ERBB4: variants seen among roughly 807,000 people sequenced by gnomAD.
ERBB4 encodes erb-b2 receptor tyrosine kinase 4, also known as receptor tyrosine-protein kinase erbB-4.
ERBB4 carries 42 observed loss-of-function variants against 158.0 expected under a neutral mutation model. The ratio of observed to expected loss-of-function variants is 0.27; its 90% CI spans 0.21 to 0.34. The LOEUF is 0.34. ERBB4 is among the 10% of genes least tolerant of loss of function. ERBB4 has a pLI of 1.00. For synonymous variants in ERBB4, 583 were observed against 558.7 expected (o/e 1.04, Z -0.61); for missense variants, 1,333 against 1,624.1 (o/e 0.82, Z 3.08).
intron 7 of ERBB4, among the ~76,000 whole-genome samples, chr2:211,715,430 A>G (rs1575037010): frequency 6.6e-6 from 1 of 152,206 alleles, no homozygotes; most frequent in Admixed American, 6.5e-5. Context: ...GGGGAACCCA[A>G]CCTGCAACAG....
At chr2:212,523,579 A>T (rs1248082238) in intron 1 of ERBB4, among the ~76,000 whole-genome samples, 2 of 151,822 alleles carry the variant, frequency 1.3e-5, no homozygotes, top group East Asian at 3.9e-4. Context: ...AATTAAAAAA[A>T]ATCCTTCACA....
intron 2 of ERBB4, among the ~76,000 whole-genome samples, chr2:212,115,065 A>C (rs1237103136): frequency 1.3e-5 from 2 of 152,176 alleles, no homozygotes; most frequent in Non-Finnish European, 2.9e-5. Context: ...TTTCAGGTAG[A>C]AATTTAATGA....
At chr2:212,456,495 T>C (rs1413857107) in intron 1 of ERBB4, among the ~76,000 whole-genome samples, 1 of 151,858 alleles carries the variant, frequency 6.6e-6, no homozygotes, top group Non-Finnish European at 1.5e-5. Flanking sequence ...TGATTGTTCT[T>C]AAGTATAAAA....
At chr2:212,460,800 G>T (rs1329651234) in intron 1 of ERBB4, among the ~76,000 whole-genome samples, 1 of 152,198 alleles carries the variant, frequency 6.6e-6, no homozygotes, top group East Asian at 1.9e-4. Context: ...ATTTCCATAA[G>T]TAATGAGGAG....
At chr2:211,794,717 CG>C (rs943962399) in intron 3 of ERBB4, among the ~76,000 whole-genome samples, 3 of 151,814 alleles carry the variant, frequency 2.0e-5, no homozygotes, top group African/African-American at 7.2e-5. Context: ...TGATATTCCC[CG>C]GAAAAAATTA....
At chr2:211,476,225 T>C (rs566156705) in intron 20 of ERBB4, among the ~76,000 whole-genome samples, 1 of 152,092 alleles carries the variant, frequency 6.6e-6, no homozygotes, top group Non-Finnish European at 1.5e-5. Context: ...GAGACCTATT[T>C]AGGAGAGCAG....
chr2:211,957,189 T>C lies in ERBB4; in HGVS notation c.235-9573A>G, dbSNP rs376385357. Among the ~76,000 whole-genome samples, 131 of 152,182 alleles carry C rather than the reference T, an allele frequency of 8.6e-4. 3 individuals are homozygous for C. The South Asian group carries it at 0.024, about 28-fold the overall frequency. ...CATACTACCTCAGAATGGGACTGTA[T>C]TTGGAGATAGGGTTTTTAAAGAGGT... On this transcript the variant is annotated intron_variant, in intron 2 of 27. Transcript: ENST00000342788.
intron 3 of ERBB4, among the ~76,000 whole-genome samples, chr2:211,841,692 G>A (rs529542296): frequency 6.6e-6 from 1 of 151,662 alleles, no homozygotes; most frequent in South Asian, 2.1e-4. Context: ...TATTTAATAT[G>A]AGGCCTTCAA....
At chr2:212,420,380 G>T (rs1024664903) in intron 1 of ERBB4, among the ~76,000 whole-genome samples, 11 of 152,122 alleles carry the variant, frequency 7.2e-5, no homozygotes, top group Non-Finnish European at 1.5e-4. Flanking sequence ...GAAATCTTAG[G>T]TCACATACAT....
chr2:211,574,934 T>A (rs1013691191), intron 19 of ERBB4, among the ~76,000 whole-genome samples: 1 of 152,230 alleles, frequency 6.6e-6, no homozygotes, highest in African/African-American at 2.4e-5. Flanking sequence ...TGTTGAATTA[T>A]GTCAGCACAA....
At chr2:211,572,426 C>A (rs1354757850) in intron 19 of ERBB4, among the ~76,000 whole-genome samples, 1 of 152,138 alleles carries the variant, frequency 6.6e-6, no homozygotes, top group Non-Finnish European at 1.5e-5. Context: ...TACCAATACT[C>A]ACCCTGCCAC....
At chr2:211,717,557 C>T (rs941163576) in intron 7 of ERBB4, among the ~76,000 whole-genome samples, 15 of 152,152 alleles carry the variant, frequency 9.9e-5, no homozygotes, top group Admixed American at 9.2e-4. Flanking sequence ...CGGCCTGGTG[C>T]GGTGGCTCAC....
intron 2 of ERBB4, among the ~76,000 whole-genome samples, chr2:211,976,137 C>T (rs1235376586): frequency 6.6e-6 from 1 of 151,772 alleles, no homozygotes; most frequent in East Asian, 1.9e-4. Flanking sequence ...TACACATTTA[C>T]ATAATATGTT....
At chr2:212,477,401 G>C (rs1689457840) in intron 1 of ERBB4, among the ~76,000 whole-genome samples, 1 of 152,068 alleles carries the variant, frequency 6.6e-6, no homozygotes, top group African/African-American at 2.4e-5. Context: ...TAATCTGACT[G>C]AAAAGTAGAC....
chr2:211,691,417 A>G (rs989827617), intron 12 of ERBB4, among the ~76,000 whole-genome samples: 1 of 152,176 alleles, frequency 6.6e-6, no homozygotes, highest in Non-Finnish European at 1.5e-5. Flanking sequence ...ATTTTGAAAA[A>G]TATTTATTGA....
chr2:212,349,022 C>T (rs2089137164), intron 1 of ERBB4, among the ~76,000 whole-genome samples: 2 of 152,090 alleles, frequency 1.3e-5, no homozygotes, highest in South Asian at 4.1e-4. Flanking sequence ...CTTTCACAAA[C>T]ATGATATGAT....
intron 1 of ERBB4, among the ~76,000 whole-genome samples, chr2:212,375,102 C>T (rs1488397080): frequency 6.6e-6 from 1 of 151,942 alleles, no homozygotes; most frequent in African/African-American, 2.4e-5. Flanking sequence ...AAATAAAACA[C>T]ATACTCTAAT....
At chr2:212,107,570 A>G (rs1205057382) in intron 2 of ERBB4, among the ~76,000 whole-genome samples, 1 of 152,154 alleles carries the variant, frequency 6.6e-6, no homozygotes, top group African/African-American at 2.4e-5. Flanking sequence ...GAAATGAGAT[A>G]AGACTTTGGG....
At chr2:212,135,494 T>G (rs972001773) in intron 1 of ERBB4, among the ~76,000 whole-genome samples, 2 of 152,200 alleles carry the variant, frequency 1.3e-5, no homozygotes, top group African/African-American at 4.8e-5. Flanking sequence ...ATATATATAT[T>G]CTGTCTTTAT....
Sources: allele counts gnomAD v4.1 joint callset (sites outside exome capture counted in the v4.1 genomes callset), GRCh38; gene constraint gnomAD v4.1.1; transcripts MANE v1.5; gene names NCBI Gene and HGNC (gene_info 2026-07-23, HGNC 2026-07-21).